NECAB2: variants seen among roughly 807,000 people sequenced by gnomAD.
The protein encoded by NECAB2 is N-terminal EF-hand calcium binding protein 2, also known as N-terminal EF-hand calcium-binding protein 2.
A neutral mutation model predicts 51.9 loss-of-function variants in NECAB2; 68 were observed. The ratio of observed to expected loss-of-function variants is 1.31; its 90% CI spans 1.08 to 1.60. The LOEUF is 1.60. Among genes scored for constraint, NECAB2 ranks in the 40% most tolerant of loss-of-function variants. The pLI is 0.00. For missense variants in NECAB2, 854 were observed against 490.3 expected (o/e 1.74, Z -7.00); for synonymous variants, 329 against 203.5 (o/e 1.62, Z -5.25).
At chr16:83,972,701 C>T (rs763871738) in intron 2 of NECAB2, among the ~76,000 whole-genome samples, 2 of 152,200 alleles carry the variant, frequency 1.3e-5, no homozygotes, top group African/African-American at 2.4e-5. Context: ...GGAGGCTCTC[C>T]TGAAGACCGG....
At chr16:83,985,892 A>G (rs2084546651) in intron 5 of NECAB2, among the ~76,000 whole-genome samples, 1 of 152,216 alleles carries the variant, frequency 6.6e-6, no homozygotes, top group Non-Finnish European at 1.5e-5. Flanking sequence ...TTGCAGAATT[A>G]GCAGATCTGA....
At position 83,992,386 on chromosome 16, in the gene NECAB2, C is replaced by G. The variant is rs766972336; in HGVS notation, c.596+1756C>G. 6.0e-5 allele frequency among the ~76,000 whole-genome samples: 9 copies of G among 148,772 alleles called. No homozygotes were observed. In the South Asian group the frequency reaches 8.7e-4, roughly 14 times the overall value. On this transcript the variant is annotated intron_variant, in intron 6 of 12. Transcript: ENST00000305202. Reference sequence around the variant, plus strand: ...GGAACACGAGCACCCGTCCCCCCGCCCACCTCCATTTGCTGTTTCAAATTG... The same window carrying G: ...GGAACACGAGCACCCGTCCCCCCGCGCACCTCCATTTGCTGTTTCAAATTG...
At chr16:83,977,765 C>G (rs965691360) in intron 2 of NECAB2, among the ~76,000 whole-genome samples, 1 of 152,234 alleles carries the variant, frequency 6.6e-6, no homozygotes, top group African/African-American at 2.4e-5. Flanking sequence ...TGGCAGCCAT[C>G]TCATGCTGCC....
intron 5 of NECAB2, among the ~76,000 whole-genome samples, chr16:83,985,850 C>T (rs908973709): frequency 5.3e-5 from 8 of 152,062 alleles, no homozygotes; most frequent in African/African-American, 1.9e-4. Flanking sequence ...TTGTAACTAC[C>T]TCATGAATGC....
rs574893713 is a variant in NECAB2, at chr16:83,997,045, C to T, written c.796-171C>T. ...CACCCCAGCAACATGTTCTAGGCCC[C>T]CTGTAGGCCAGAGGGAGTCTCTGCC... On this transcript the variant is annotated intron_variant, in intron 8 of 12. Transcript: ENST00000305202. Among the ~76,000 whole-genome samples the T allele has an allele frequency of 5.5e-3, 838 of 152,158 alleles. 9 individuals are homozygous for T. Among genetic ancestry groups the T allele is most frequent in the African/African-American group, 0.019 (803 of 41,488 alleles).
At chr16:83,981,358 A>G (rs2084487085) in intron 5 of NECAB2, among the ~76,000 whole-genome samples, 1 of 151,558 alleles carries the variant, frequency 6.6e-6, no homozygotes, top group South Asian at 2.1e-4. Flanking sequence ...ATCAGGCCTG[A>G]TCCTGGGCTG....
chr16:83,973,520 G>A (rs558940215), intron 2 of NECAB2, among the ~76,000 whole-genome samples: 1 of 152,314 alleles, frequency 6.6e-6, no homozygotes, highest in African/African-American at 2.4e-5. Context: ...GAATAAGAGG[G>A]ACGTAGGGAG....
chr16:83,998,127 G>C (rs925636474), intron 9 of NECAB2, 78 bp from the exon 10 acceptor site: 1 of 1,272,928 alleles, frequency 7.9e-7, no homozygotes, highest in African/African-American at 1.5e-5. Flanking sequence ...GAGGAAGGGA[G>C]GTCATGGGGG....
At chr16:83,966,378 G>A (rs1026503863), upstream of NECAB2, 10 of 261,486 alleles carry the variant, frequency 3.8e-5, no homozygotes, top group South Asian at 1.8e-4. Context: ...CTGCGTTCCC[G>A]GAACCCTGCA....
rs2084840512 is a variant in NECAB2 at position 84,001,751 on chromosome 16, T to A, written c.1041-74T>A. The A allele has an allele frequency of 4.6e-6, 7 of 1,531,226 alleles. No homozygotes were observed. In the African/African-American group the frequency reaches 6.9e-5, roughly 15 times the overall value. 94.9% of individuals were successfully genotyped at this position (1,531,226 alleles called of 1,614,324 possible). A position where few individuals can be genotyped will look rare whatever the true frequency, so the allele number is the denominator to read the frequency against. On this transcript the variant is annotated intron_variant, in intron 11 of 12. Coordinates refer to ENST00000305202, the MANE Select transcript of NECAB2 (RefSeq NM_019065.3). ...TAAGCTCCCCATTTTGGGCTAGAGC[T>A]AGGATTAACAGGGGAGCCACACGCG...
chr16:83,972,156 C>T lies in NECAB2; in HGVS notation c.207C>T (p.Phe69=), dbSNP rs369163792. The part of the protein sequence containing the change: ...RGGTAVILDI[F]RRADKNDDGK... ...TCCGCCTCTCTTTTCTGCAGATTTT[C>T]CGCCGTGCGGACAAAAATGGTGAGT... Residue 69 remains phenylalanine, a synonymous_variant, in exon 2 of 13, where the codon TTC becomes TTT. Transcript: ENST00000305202. 9.3e-6 allele frequency: 15 copies of T among 1,613,454 alleles called. No individual in the cohort carries two copies. In the Admixed American group the frequency reaches 1.5e-4, roughly 16 times the overall value.
At chr16:83,997,859 T>C (rs1040769637) in intron 9 of NECAB2, among the ~76,000 whole-genome samples, 3 of 152,092 alleles carry the variant, frequency 2.0e-5, no homozygotes, top group Admixed American at 1.3e-4. Context: ...CAGACAGTGA[T>C]GTGAAAATGC....
chr16:83,981,788 C>T (rs1245090598), intron 5 of NECAB2, among the ~76,000 whole-genome samples: 1 of 152,096 alleles, frequency 6.6e-6, no homozygotes, highest in East Asian at 1.9e-4. Flanking sequence ...CAGAGAGCAG[C>T]CATAGGGCAC....
At chr16:83,998,884 G>A (rs567176029) in intron 10 of NECAB2, among the ~76,000 whole-genome samples, 5 of 152,216 alleles carry the variant, frequency 3.3e-5, no homozygotes, top group Non-Finnish European at 7.3e-5. Flanking sequence ...GGCTGATGTA[G>A]CTCCTTGGTA....
At chr16:84,000,937 G>A (rs918603420) in intron 11 of NECAB2, 136 bp downstream of exon 11, 7 of 812,044 alleles carry the variant, frequency 8.6e-6, no homozygotes, top group Non-Finnish European at 1.2e-5. Flanking sequence ...CTACCCGCTG[G>A]CATGCTTGCG....
chr16:83,965,798 G>C (rs1266306073), upstream of NECAB2: 3 of 1,613,106 alleles, frequency 1.9e-6, no homozygotes, highest in Non-Finnish European at 8.5e-7. Context: ...GCCTGGGGCA[G>C]GGGCTGACTT....
intron 2 of NECAB2, among the ~76,000 whole-genome samples, chr16:83,977,940 C>G (rs1007398011): frequency 6.6e-6 from 1 of 152,178 alleles, no homozygotes; most frequent in Admixed American, 6.5e-5. Flanking sequence ...GTGGCTCATC[C>G]AGCTGCTGGT....
upstream of NECAB2, chr16:83,966,046 A>G (rs762598030): frequency 5.6e-6 from 8 of 1,424,842 alleles, no homozygotes; most frequent in Non-Finnish European, 7.5e-6. Context: ...CCCTGAGAGG[A>G]CAGAGATGAC....
intron 10 of NECAB2, among the ~76,000 whole-genome samples, 167 bp from the exon 11 acceptor site, chr16:84,000,557 C>A (rs528320790): frequency 6.6e-6 from 1 of 152,240 alleles, no homozygotes; most frequent in South Asian, 2.1e-4. Flanking sequence ...GGCCTTATTC[C>A]CTGTGCTGGG....
Sources: allele counts gnomAD v4.1 joint callset (sites outside exome capture counted in the v4.1 genomes callset), GRCh38; gene constraint gnomAD v4.1.1; transcripts MANE v1.5; gene names NCBI Gene and HGNC (gene_info 2026-07-23, HGNC 2026-07-21).